ZNF431: variants seen among roughly 807,000 people sequenced by gnomAD.
The protein encoded by ZNF431 is zinc finger protein 431.
A neutral mutation model predicts 57.0 loss-of-function variants in ZNF431; 34 were observed. That is an observed-to-expected ratio of 0.60 (90% CI 0.45 to 0.79). ZNF431 has a LOEUF of 0.79. Ranked by LOEUF, ZNF431 falls within the 30% of genes least tolerant of loss-of-function variation. The pLI, the probability that ZNF431 is intolerant of heterozygous loss-of-function variation, is 0.00. For synonymous variants in ZNF431, 207 were observed against 220.3 expected, an observed-to-expected ratio of 0.94 and a Z score of 0.54; for missense variants, 607 against 667.1, an observed-to-expected ratio of 0.91 and a Z score of 0.99.
At chr19:21,180,031 G>A (rs887007607) in intron 4 of ZNF431, among the ~76,000 whole-genome samples, 6 of 151,784 alleles carry the variant, frequency 4.0e-5, no homozygotes, top group Admixed American at 3.9e-4. Flanking sequence ...GATTACAGGC[G>A]CCCACCACCA....
chr19:21,177,703 G>A (rs778751028), intron 4 of ZNF431, among the ~76,000 whole-genome samples: 5 of 152,090 alleles, frequency 3.3e-5, no homozygotes, highest in South Asian at 2.1e-4. Flanking sequence ...CAGGAGAATC[G>A]CTTGAACCTG....
intron 2 of ZNF431, chr19:21,150,378 T>C: frequency 2.8e-6 from 1 of 363,268 alleles, no homozygotes; most frequent in Admixed American, 3.4e-5. Flanking sequence ...GCCTCCTGCT[T>C]CTTCACAACA....
At position 21,183,713 on chromosome 19, in the gene ZNF431, C is replaced by A. The variant is rs1215679648; in HGVS notation, c.1410C>A (p.Ile470=). 4 of 1,613,182 alleles carry A rather than the reference C, an allele frequency of 2.5e-6. No homozygotes were observed. The highest frequency in any genetic ancestry group is 3.4e-6 in the Non-Finnish European group (4 of 1,179,854). The change falls in exon 5 of 5, where the codon ATC becomes ATA. Residue 470 remains isoleucine (I), a synonymous_variant. Coordinates refer to ENST00000311048, the MANE Select transcript of ZNF431 (RefSeq NM_133473.4). Reference sequence around the variant, plus strand: ...GCAAAGCTTTTAGCCAGTCATCAATCCTTACTACACATAAGAGAATTCACA... The same window carrying A: ...GCAAAGCTTTTAGCCAGTCATCAATACTTACTACACATAAGAGAATTCACA... ...ECGKAFSQSS[I]LTTHKRIHTG... is the part of the protein sequence containing the mutation.
intron 2 of ZNF431, among the ~76,000 whole-genome samples, chr19:21,151,937 T>C (rs779077032): frequency 3.3e-5 from 5 of 152,286 alleles, no homozygotes; most frequent in African/African-American, 9.6e-5. Flanking sequence ...TTGTACACTT[T>C]TGCCAGCATG....
rs1349659488 is a variant in ZNF431 at position 21,184,166 on chromosome 19, A to G, written c.*132A>G. The G allele has an allele frequency of 6.7e-6, 5 of 740,866 alleles. No individual in the cohort carries two copies. Among genetic ancestry groups the G allele is most frequent in the South Asian group, 4.5e-5 (2 of 44,626 alleles). 45.9% of individuals were successfully genotyped at this position (740,866 alleles called of 1,614,324 possible). A position where few individuals can be genotyped will look rare whatever the true frequency, so the allele number is the denominator to read the frequency against. On this transcript the variant is annotated 3_prime_UTR_variant, in exon 5 of 5. Coordinates refer to ENST00000311048, the MANE Select transcript of ZNF431 (RefSeq NM_133473.4). ...AGAGATCGAGACCATCCTGGCCAAC[A>G]TGGTGAAACCCTGTCTCTACTAAAA...
chr19:21,151,474 GA>G (rs1363295239), intron 2 of ZNF431, among the ~76,000 whole-genome samples: 1 of 152,174 alleles, frequency 6.6e-6, no homozygotes, highest in African/African-American at 2.4e-5. Flanking sequence ...GTTCTGAAAA[GA>G]AAATTCAAGG....
rs1315224254 is a variant in ZNF431 at position 21,195,805 on chromosome 19, A to G, written c.*11771A>G. 1.3e-5 allele frequency: 2 copies of G among 152,176 alleles called. No individual in the cohort carries two copies. Among genetic ancestry groups the G allele is most frequent in the Non-Finnish European group, 2.9e-5 (2 of 68,024 alleles). 9.4% of individuals were successfully genotyped at this position (152,176 alleles called of 1,614,324 possible). On this transcript the variant is annotated 3_prime_UTR_variant, in exon 5 of 5. Transcript: ENST00000311048. ...ATTTTATTGCAGTGTAAAGTTTAATATTTAGATGTGTGATACATCTTTGGA... is the reference window on the plus strand; with the variant it reads ...ATTTTATTGCAGTGTAAAGTTTAATGTTTAGATGTGTGATACATCTTTGGA...
Position 21,183,982 on chromosome 19 carries a change from A to G in ZNF431, c.1679A>G (p.Asn560Ser), listed in dbSNP as rs1971293194. The stretch of plus-strand genomic sequence containing the variant: ...TCCTCAAACCTTATTAAACAAAATA[A>G]TTCATACTGGAGAGAAACTCTACAA... Reference protein sequence around the residue: ...NQSSNLIKQNNSYWRETLQMS... With the variant: ...NQSSNLIKQNSSYWRETLQMS... The change falls in exon 5 of 5, where the codon AAT (asparagine) becomes AGT (serine). Residue 560 changes from asparagine to serine, a missense_variant. Coordinates refer to ENST00000311048, the MANE Select transcript of ZNF431 (RefSeq NM_133473.4). 2 of 1,591,128 alleles carry G rather than the reference A, an allele frequency of 1.3e-6. No homozygotes were observed. Among genetic ancestry groups the G allele is most frequent in the Non-Finnish European group, 1.7e-6 (2 of 1,171,730 alleles).
rs1437267235 is a variant in ZNF431, at chr19:21,142,086, T to C, written c.-98T>C. ...TCCAGGTCTCCCCTTCGCTGCTCTG[T>C]GTCCTCTGCTCCTAGAGGCCCAACA... On this transcript the variant is annotated 5_prime_UTR_variant, in exon 1 of 5. Transcript: ENST00000311048. 2 of 1,523,090 alleles carry C rather than the reference T, an allele frequency of 1.3e-6. No homozygotes were observed. The highest frequency in any genetic ancestry group is 2.3e-5 in the East Asian group (1 of 44,316). 94.3% of individuals were successfully genotyped at this position (1,523,090 alleles called of 1,614,324 possible).
chr19:21,150,040 G>A, intron 2 of ZNF431: 14 of 601,166 alleles, frequency 2.3e-5, no homozygotes, highest in South Asian at 2.3e-4. Context: ...CTGCTCGAAG[G>A]ACACGTGGTC....
rs2145076726 is a variant in ZNF431, at chr19:21,190,323, GT to G, written c.*6292del. The G allele has an allele frequency of 6.5e-6, 1 of 154,232 alleles. No homozygotes were observed. Among genetic ancestry groups the G allele is most frequent in the East Asian group, 1.9e-4 (1 of 5,294 alleles). The allele number at this position is 154,232 out of a possible 1,614,324, so 9.6% of individuals were successfully genotyped here. A position where few individuals can be genotyped will look rare whatever the true frequency, so the allele number is the denominator to read the frequency against. ...AAGTGCTGCAAACAGAAGTGCAAAT[GT>G]TTCTTTATTCTTATTTTGTTTTGGA... On this transcript the variant is annotated 3_prime_UTR_variant, in exon 5 of 5. Transcript: ENST00000311048.
chr19:21,157,608 T>C (rs1970453135), intron 2 of ZNF431, among the ~76,000 whole-genome samples: 3 of 152,008 alleles, frequency 2.0e-5, no homozygotes, highest in African/African-American at 7.2e-5. Flanking sequence ...CTTGGCTCAC[T>C]GCAACCTCTG....
In ZNF431 at chr19:21,155,185, A is replaced by G. The variant is rs1970384662; in HGVS notation, c.97-11150A>G. On this transcript the variant is annotated intron_variant, in intron 2 of 4. Transcript: ENST00000311048. ...CATTTAAGTCTTTAATCCATCTTGA[A>G]TTAATTTTTGTATAAGGTGTAAGGA... 2.0e-5 allele frequency among the ~76,000 whole-genome samples: 3 copies of G among 152,270 alleles called. No individual in the cohort carries two copies. In the South Asian group the frequency reaches 6.2e-4, roughly 32 times the overall value.
intron 2 of ZNF431, 25 bp from the exon 3 acceptor site, chr19:21,166,310 G>A (rs780407612): frequency 3.1e-6 from 5 of 1,608,250 alleles, no homozygotes; most frequent in South Asian, 2.2e-5. Context: ...AAATATATGT[G>A]TGTCTCTGTG....
chr19:21,151,952 G>C (rs1211084884), intron 2 of ZNF431, among the ~76,000 whole-genome samples: 1 of 152,220 alleles, frequency 6.6e-6, no homozygotes, highest in Non-Finnish European at 1.5e-5. Context: ...AGCATGCCAG[G>C]CTTCTGGGTT....
intron 4 of ZNF431, among the ~76,000 whole-genome samples, chr19:21,175,660 G>A (rs992245307): frequency 1.3e-5 from 2 of 152,148 alleles, no homozygotes; most frequent in African/African-American, 4.8e-5. Context: ...CACTTAATAA[G>A]TGAGAACATA....
At chr19:21,174,021 C>T (rs1970980227) in intron 4 of ZNF431, among the ~76,000 whole-genome samples, 1 of 151,406 alleles carries the variant, frequency 6.6e-6, no homozygotes, top group Non-Finnish European at 1.5e-5. Context: ...TCTCGACGCA[C>T]TGCAACCTCT....
chr19:21,193,982 A>G lies in ZNF431; in HGVS notation c.*9948A>G, dbSNP rs1348262165. On this transcript the variant is annotated 3_prime_UTR_variant, in exon 5 of 5. Transcript: ENST00000311048. ...GAAAAAAAATAAGACTATCTAAACAATTCTATTTAACATAGTTCTGGAAGT... is the reference window on the plus strand; with the variant it reads ...GAAAAAAAATAAGACTATCTAAACAGTTCTATTTAACATAGTTCTGGAAGT... The G allele has an allele frequency of 6.8e-6, 1 of 147,356 alleles. No individual in the cohort carries two copies. The highest frequency in any genetic ancestry group is 6.9e-5 in the Admixed American group (1 of 14,538). 9.1% of individuals were successfully genotyped at this position (147,356 alleles called of 1,614,324 possible).
intron 2 of ZNF431, among the ~76,000 whole-genome samples, chr19:21,164,609 G>A (rs1428934661): frequency 6.6e-6 from 1 of 152,046 alleles, no homozygotes; most frequent in Non-Finnish European, 1.5e-5. Context: ...AATTTTATCT[G>A]AAAAGGATTT....
Sources: gnomAD v4.1 joint callset for allele counts (sites outside exome capture counted in the v4.1 genomes callset) on GRCh38, gnomAD v4.1.1 for gene constraint, MANE v1.5 for transcripts, NCBI Gene and HGNC (gene_info 2026-07-23, HGNC 2026-07-21) for gene names.